The following CABIN1 variants were observed in gnomAD, a reference collection of about 807,000 sequenced individuals.
CABIN1 encodes calcineurin binding protein 1, also known as calcineurin-binding protein cabin-1.
A neutral mutation model predicts 227.7 loss-of-function variants in CABIN1; 133 were observed. The ratio of observed to expected loss-of-function variants is 0.58; its 90% CI spans 0.51 to 0.67. The LOEUF is 0.67. Among genes scored for constraint, CABIN1 ranks in the 30% least tolerant of loss-of-function variants. The pLI, the probability that CABIN1 is intolerant of heterozygous loss-of-function variation, is 0.00. For synonymous variants in CABIN1, 1,086 were observed against 1,155.1 expected, an observed-to-expected ratio of 0.94 and a Z score of 1.21; for missense variants, 2,408 against 2,852.5, an observed-to-expected ratio of 0.84 and a Z score of 3.55.
intron 23 of CABIN1, among the ~76,000 whole-genome samples, chr22:24,088,347 C>T (rs1343978199): frequency 1.3e-5 from 2 of 152,184 alleles, no homozygotes; most frequent in African/African-American, 4.8e-5. Flanking sequence ...TGGTGGCTCA[C>T]GCCTGTAATC....
At chr22:24,062,910 C>T in intron 13 of CABIN1, 49 bp from the exon 14 acceptor site, 1 of 1,570,448 alleles carries the variant, frequency 6.4e-7, no homozygotes. Flanking sequence ...AGCAGAAGGG[C>T]ATTAGAATGC....
rs775587603 is a variant in CABIN1 at position 24,072,367 on chromosome 22, G to A, written c.2489G>A (p.Ser830Asn). 21 of 1,614,196 alleles carry A rather than the reference G, an allele frequency of 1.3e-5. No homozygotes were observed. The highest frequency in any genetic ancestry group is 1.7e-5 in the Non-Finnish European group (20 of 1,180,036). The change falls in exon 18 of 37, where the codon AGC becomes AAC. Residue 830 changes from serine to asparagine, a missense_variant. Physicochemically the swap from Ser to Asn is conservative, Grantham distance 46 (BLOSUM62 1). Coordinates refer to ENST00000263119, the MANE Select transcript of CABIN1 (RefSeq NM_012295.4). ...CCGCACTGTCAGGTCATTGACTGCA[G>A]CATGGCTGTGCAGGAGGAGGCCAAG... ...TNNLIQVIDC[S>N]MAVQEEAKEP...
At chr22:24,014,924 A>G (rs1208899433) in intron 1 of CABIN1, among the ~76,000 whole-genome samples, 4 of 151,814 alleles carry the variant, frequency 2.6e-5, no homozygotes, top group Non-Finnish European at 5.9e-5. Context: ...TTCTTATACG[A>G]AGGTGACATG....
Position 24,096,092 on chromosome 22 carries a change from A to C in CABIN1, c.3938+10A>C. The C allele has an allele frequency of 6.2e-7, 1 of 1,613,860 alleles. No homozygotes were observed. Among genetic ancestry groups the C allele is most frequent in the South Asian group, 1.1e-5 (1 of 91,066 alleles). On this transcript the variant is annotated intron_variant, in intron 25 of 36. Transcript: ENST00000263119. ...CCAAAGCTTCAGAAAAGTGAGTAGCACCCTTCAGGCGACCCCTAGCAGCTT... is the reference window on the plus strand; with the variant it reads ...CCAAAGCTTCAGAAAAGTGAGTAGCCCCCTTCAGGCGACCCCTAGCAGCTT...
At position 24,085,015 on chromosome 22, in the gene CABIN1, C is replaced by T; in HGVS notation, c.3127C>T (p.Leu1043Phe). The change falls in exon 22 of 37, where the codon CTC (leucine) becomes TTC (phenylalanine). Residue 1043 changes from leucine (L) to phenylalanine (F), a missense_variant. Around this residue, in one of 3 missense-constraint regions of CABIN1, gnomAD observed 649 missense variants for 910.3 expected, o/e 0.71. Coordinates refer to ENST00000263119, the MANE Select transcript of CABIN1 (RefSeq NM_012295.4). ...IEGTSTEVPC[L>F]PEGADPSPPV... ...TCCTCTCACCTGCCAGGTACCCTGC[C>T]TCCCAGAGGGGGCTGACCCCTCCCC... 6.2e-7 allele frequency: 1 copy of T among 1,614,224 alleles called. No homozygotes were observed. Among genetic ancestry groups the T allele is most frequent in the Non-Finnish European group, 8.5e-7 (1 of 1,180,044 alleles).
chr22:24,111,127 T>C (rs1180548674), intron 26 of CABIN1, among the ~76,000 whole-genome samples: 1 of 152,218 alleles, frequency 6.6e-6, no homozygotes, highest in Non-Finnish European at 1.5e-5. Flanking sequence ...CAACTTACAA[T>C]GGGGTTATTT....
chr22:24,051,095 G>A, intron 8 of CABIN1, 121 bp downstream of exon 8: 2 of 1,303,852 alleles, frequency 1.5e-6, no homozygotes, highest in Non-Finnish European at 2.2e-6. Context: ...ATGAATGGGG[G>A]CTGGGTGCAC....
chr22:24,132,649 A>G (rs1208752062), intron 28 of CABIN1, among the ~76,000 whole-genome samples: 1 of 152,130 alleles, frequency 6.6e-6, no homozygotes, highest in African/African-American at 2.4e-5. Context: ...GTGCAGTGGC[A>G]TAATCTCGGC....
intron 31 of CABIN1, among the ~76,000 whole-genome samples, chr22:24,166,051 C>T (rs950967206): frequency 6.6e-6 from 1 of 152,206 alleles, no homozygotes; most frequent in Non-Finnish European, 1.5e-5. Flanking sequence ...GGAGGTTAAG[C>T]AGCCAGCCTA....
intron 18 of CABIN1, among the ~76,000 whole-genome samples, chr22:24,073,029 A>G (rs923421522): frequency 3.3e-5 from 5 of 152,220 alleles, no homozygotes; most frequent in African/African-American, 1.2e-4. Context: ...AAATGAAATA[A>G]TAAAGCCATG....
intron 1 of CABIN1, among the ~76,000 whole-genome samples, chr22:24,033,895 C>T (rs2036676847): frequency 6.6e-6 from 1 of 152,206 alleles, no homozygotes; most frequent in Non-Finnish European, 1.5e-5. Flanking sequence ...CCCTAAACCC[C>T]TTGGTAGTTG....
At chr22:24,133,458 C>T (rs575593904) in intron 28 of CABIN1, among the ~76,000 whole-genome samples, 5 of 152,314 alleles carry the variant, frequency 3.3e-5, no homozygotes, top group South Asian at 2.1e-4. Flanking sequence ...TGAAGGCCTG[C>T]GCCCAGCGCT....
intron 21 of CABIN1, 106 bp from the exon 22 acceptor site, chr22:24,084,900 A>G: frequency 6.4e-7 from 1 of 1,567,012 alleles, no homozygotes; most frequent in Non-Finnish European, 8.8e-7. Context: ...ACTGAGGGGC[A>G]GGAGAGGCTG....
intron 29 of CABIN1, among the ~76,000 whole-genome samples, chr22:24,149,063 G>C (rs1278251037): frequency 6.6e-6 from 1 of 152,216 alleles, no homozygotes; most frequent in Non-Finnish European, 1.5e-5. Flanking sequence ...CATTGGGATT[G>C]AAATCCAAAA....
chr22:24,045,220 A>G (rs1261013900), intron 6 of CABIN1, among the ~76,000 whole-genome samples: 10 of 152,174 alleles, frequency 6.6e-5, no homozygotes, highest in Admixed American at 4.6e-4. Context: ...CACTGCGCCC[A>G]GCCCAGTATC....
chr22:24,160,430 T>A (rs1446362558), intron 29 of CABIN1: 1 of 152,200 alleles, frequency 6.6e-6, no homozygotes, highest in African/African-American at 2.4e-5. Context: ...AGGTGACAGA[T>A]AGAGCTGGGA....
intron 1 of CABIN1, among the ~76,000 whole-genome samples, chr22:24,019,120 GTTTTTTTTT>G (rs945660140): frequency 1.0e-4 from 4 of 40,176 alleles, no homozygotes; most frequent in Non-Finnish European, 1.3e-4. Flanking sequence ...ACTGAGTGTT[GTTTTTTTTT>G]TTTTTTTTTT....
chr22:24,016,444 A>C (rs2035291398), intron 1 of CABIN1, among the ~76,000 whole-genome samples: 1 of 152,188 alleles, frequency 6.6e-6, no homozygotes, highest in African/African-American at 2.4e-5. Context: ...TGCTATGAAC[A>C]TTGCCTCATT....
intron 29 of CABIN1, among the ~76,000 whole-genome samples, chr22:24,137,286 C>G (rs1210618679): frequency 2.6e-5 from 4 of 152,154 alleles, no homozygotes; most frequent in African/African-American, 4.8e-5. Flanking sequence ...GGAAGCCGGC[C>G]CCTCAGATGC....
Sources: gnomAD v4.1 joint callset for allele counts (sites outside exome capture counted in the v4.1 genomes callset) on GRCh38, gnomAD v4.1.1 for gene constraint, gnomAD v4.1.1 regional missense constraint, MANE v1.5 for transcripts, NCBI Gene and HGNC (gene_info 2026-07-23, HGNC 2026-07-21) for gene names.